PI4KA: variants seen among roughly 807,000 people sequenced by gnomAD.
PI4KA encodes phosphatidylinositol 4-kinase alpha.
In PI4KA, 122 loss-of-function variants were observed where a neutral mutation model predicts 271.4. That is an observed-to-expected ratio of 0.45 (90% CI 0.39 to 0.52). The LOEUF (loss-of-function observed/expected upper bound fraction) is 0.52. Ranked by LOEUF, PI4KA falls within the 20% of genes least tolerant of loss-of-function variation. The probability of loss-of-function intolerance (pLI) is 0.00; values close to 1 mark genes in which losing one functional copy is unlikely to be tolerated. For missense variants in PI4KA, 1,969 were observed against 2,769.1 expected, an observed-to-expected ratio of 0.71 and a Z score of 6.48; for synonymous variants, 1,041 against 1,078.8, an observed-to-expected ratio of 0.96 and a Z score of 0.69.
At chr22:20,751,429 T>A in intron 26 of PI4KA, 53 bp from the exon 27 acceptor site, 1 of 1,506,834 alleles carries the variant, frequency 6.6e-7, no homozygotes, top group Non-Finnish European at 9.2e-7. Flanking sequence ...AAGTTGCCAC[T>A]AGCAACCACA....
At position 20,707,837 on chromosome 22, in the gene PI4KA, A is replaced by G; in HGVS notation, c.*210T>C. ...AAACAGAGGACTCACACCTGTGCAT[A>G]GACAGCACCATCCATTGATTGTCGC... On this transcript the variant is annotated 3_prime_UTR_variant, in exon 55 of 55. Transcript: ENST00000255882. 4 of 661,076 alleles carry G rather than the reference A, an allele frequency of 6.1e-6. No homozygotes were observed. The highest frequency in any genetic ancestry group is 5.6e-6 in the Non-Finnish European group (2 of 360,322). The allele number at this position is 661,076 out of a possible 1,614,324, so 41.0% of individuals were successfully genotyped here. A position where few individuals can be genotyped will look rare whatever the true frequency, so the allele number is the denominator to read the frequency against.
Position 20,727,881 on chromosome 22 carries a change from G to A in PI4KA, c.4683-17C>T. ...TTCTTAAACCTACAGTGCACAGAGG[G>A]TATGGGTGGTGCTGCCTCGCCAGGG... On this transcript the variant is annotated splice_polypyrimidine_tract_variant and intron_variant, in intron 39 of 54. Coordinates refer to ENST00000255882, the MANE Select transcript of PI4KA (RefSeq NM_058004.4). The A allele has an allele frequency of 1.9e-6, 3 of 1,601,286 alleles. No individual in the cohort carries two copies. Among genetic ancestry groups the A allele is most frequent in the African/African-American group, 1.3e-5 (1 of 74,758 alleles).
At chr22:20,735,654 G>A (rs1179363241) in intron 32 of PI4KA, among the ~76,000 whole-genome samples, 3 of 152,176 alleles carry the variant, frequency 2.0e-5, no homozygotes, top group Non-Finnish European at 4.4e-5. Flanking sequence ...CCTGCTGGGA[G>A]GCACAGAAGC....
intron 4 of PI4KA, among the ~76,000 whole-genome samples, chr22:20,823,685 T>A (rs1364514531): frequency 6.6e-6 from 1 of 152,110 alleles, no homozygotes; most frequent in Non-Finnish European, 1.5e-5. Flanking sequence ...ACACCTATAA[T>A]CCCAGCACTC....
chr22:20,784,031 G>A, intron 19 of PI4KA: 2 of 1,614,166 alleles, frequency 1.2e-6, no homozygotes, highest in Non-Finnish European at 1.7e-6. Flanking sequence ...CCGGCTGAAT[G>A]AGAGAGAGGT....
chr22:20,720,484 C>A (rs1372218043), intron 43 of PI4KA, among the ~76,000 whole-genome samples: 1 of 152,074 alleles, frequency 6.6e-6, no homozygotes, highest in Non-Finnish European at 1.5e-5. Context: ...CCCAGGTGGT[C>A]AAGGCTGCAG....
intron 47 of PI4KA, among the ~76,000 whole-genome samples, chr22:20,714,226 C>T (rs1925691608): frequency 6.6e-6 from 1 of 151,996 alleles, no homozygotes; most frequent in African/African-American, 2.4e-5. Flanking sequence ...AAGGAGCCTG[C>T]TGGAGCATGC....
intron 19 of PI4KA, among the ~76,000 whole-genome samples, chr22:20,766,068 T>C (rs1160077199): frequency 6.6e-6 from 1 of 152,152 alleles, no homozygotes; most frequent in African/African-American, 2.4e-5. Flanking sequence ...GAAGGCAGCC[T>C]GTCCAGCCAC....
intron 3 of PI4KA, among the ~76,000 whole-genome samples, chr22:20,830,754 T>C (rs990232368): frequency 1.3e-5 from 2 of 152,028 alleles, no homozygotes; most frequent in African/African-American, 4.8e-5. Flanking sequence ...GGTACTTAGG[T>C]GTGTTTTGTT....
At chr22:20,779,927 G>T in intron 19 of PI4KA, 3 of 1,614,190 alleles carry the variant, frequency 1.9e-6, no homozygotes, top group Non-Finnish European at 2.5e-6. Flanking sequence ...TCCGTAAGCT[G>T]ACTCATCGCC....
At chr22:20,786,014 G>A in intron 19 of PI4KA, 1 of 1,614,192 alleles carries the variant, frequency 6.2e-7, no homozygotes, top group Non-Finnish European at 8.5e-7. Context: ...AACTCGAGAA[G>A]TGCTTCTGCC....
rs775585744 is a variant in PI4KA, at chr22:20,804,980, C to T, written c.1354G>A (p.Glu452Lys). The T allele has an allele frequency of 3.1e-6, 5 of 1,611,574 alleles. No individual in the cohort carries two copies. The highest frequency in any genetic ancestry group is 1.1e-5 in the South Asian group (1 of 90,624). Residue 452 changes from glutamate (E) to lysine (K), a missense_variant, in exon 11 of 55, where the codon GAG (glutamate) becomes AAG (lysine). Around this residue, in one of 13 missense-constraint regions of PI4KA, gnomAD observed 14 missense variants for 34.0 expected, o/e 0.41. Transcript: ENST00000255882. ...GCAAGGCAGTCTGTCTCACCCTGCT[C>T]GTCCTTCACAGCCCACACCATGAGG... ...VDLMVWAVKD[E>K]QGAENLCIKL...
chr22:20,747,553 G>T, intron 29 of PI4KA, 30 bp downstream of exon 29: 1 of 1,611,782 alleles, frequency 6.2e-7, no homozygotes, highest in Non-Finnish European at 8.5e-7. Flanking sequence ...GGTCTAAGGG[G>T]TCACTGCTCT....
At chr22:20,761,245 C>A (rs1248000272) in intron 23 of PI4KA, 59 bp downstream of exon 23, 14 of 912,580 alleles carry the variant, frequency 1.5e-5, no homozygotes, top group Non-Finnish European at 2.6e-5. Flanking sequence ...GGAAGTAGTA[C>A]GCCTTTTTAC....
intron 42 of PI4KA, among the ~76,000 whole-genome samples, chr22:20,723,464 G>A (rs1487173372): frequency 4.0e-5 from 6 of 150,644 alleles, no homozygotes; most frequent in South Asian, 4.2e-4. Context: ...TTGGGAGGCC[G>A]AGGCAGGTGG....
At chr22:20,807,302 GAC>G (rs1284053406) in intron 10 of PI4KA, 58 bp downstream of exon 10, 20 of 1,051,100 alleles carry the variant, frequency 1.9e-5, no homozygotes, top group Non-Finnish European at 3.0e-5. Flanking sequence ...ACTAGCATGC[GAC>G]AGTGGCCTGG....
chr22:20,773,072 C>T (rs1053925125), intron 19 of PI4KA, among the ~76,000 whole-genome samples: 11 of 151,946 alleles, frequency 7.2e-5, no homozygotes, highest in African/African-American at 2.7e-4. Flanking sequence ...GCCTGGGTAA[C>T]AGAGTGAGAC....
rs28385631 is a variant in PI4KA, at chr22:20,711,458, G to A, written c.5806C>T (p.Arg1936Cys). ...GCCATGCTTCGGATGAAGTTGTAGCGGGCCTGTGCAGAGAGCGCCCTGGGC... is the reference window on the plus strand; with the variant it reads ...GCCATGCTTCGGATGAAGTTGTAGCAGGCCTGTGCAGAGAGCGCCCTGGGC... ...DESTLAFQQA[R>C]YNFIRSMAAY... Residue 1936 changes from arginine (R) to cysteine (C), a missense_variant, in exon 51 of 55, where the codon CGC becomes TGC. Around this residue, in one of 13 missense-constraint regions of PI4KA, gnomAD observed 110 missense variants for 349.8 expected, o/e 0.31. Coordinates refer to ENST00000255882, the MANE Select transcript of PI4KA (RefSeq NM_058004.4). The A allele has an allele frequency of 2.9e-6, 4 of 1,392,446 alleles. No individual in the cohort carries two copies. The highest frequency in any genetic ancestry group is 2.0e-5 in the Admixed American group (1 of 50,018). The allele number at this position is 1,392,446 out of a possible 1,614,324, so 86.3% of individuals were successfully genotyped here.
At position 20,713,355 on chromosome 22, in the gene PI4KA, T is replaced by C. The variant is rs1925568653; in HGVS notation, c.5497A>G (p.Ser1833Gly). The C allele has an allele frequency of 6.3e-7, 1 of 1,597,752 alleles. No homozygotes were observed. The highest frequency in any genetic ancestry group is 8.5e-7 in the Non-Finnish European group (1 of 1,171,432). ...TTCTGGCCGTCGGCCTCCTGCGTGC[T>C]GCACTCATCCTCGGAGTCTGAGCGG... is the stretch of plus-strand genomic sequence containing the variant. ...RCRSDSEDEC[S>G]TQEADGQKIS... The change falls in exon 48 of 55, where the codon AGC becomes GGC. Residue 1833 changes from serine (S) to glycine (G), a missense_variant. This residue lies in a region of PI4KA where 388 missense variants were observed against 521.5 expected (regional missense o/e 0.74). Coordinates refer to ENST00000255882, the MANE Select transcript of PI4KA (RefSeq NM_058004.4).
Sources: gnomAD v4.1 joint callset for allele counts (sites outside exome capture counted in the v4.1 genomes callset) on GRCh38, gnomAD v4.1.1 for gene constraint, gnomAD v4.1.1 regional missense constraint, MANE v1.5 for transcripts, NCBI Gene and HGNC (gene_info 2026-07-23, HGNC 2026-07-21) for gene names.